ANGPT1: variants seen among roughly 807,000 people sequenced by gnomAD.
ANGPT1 encodes the protein angiopoietin 1.
ANGPT1 carries 17 observed loss-of-function variants against 62.2 expected under a neutral mutation model. That is an observed-to-expected ratio of 0.27 (90% CI 0.19 to 0.41). The LOEUF is 0.41. ANGPT1 is among the 10% of genes least tolerant of loss of function. The pLI is 1.00. For synonymous variants in ANGPT1, 199 were observed against 198.9 expected (o/e 1.00, Z 0.00); for missense variants, 478 against 594.9 (o/e 0.80, Z 2.04).
chr8:107,423,238 C>G (rs951549329), intron 1 of ANGPT1, among the ~76,000 whole-genome samples: 2 of 152,192 alleles, frequency 1.3e-5, no homozygotes, highest in African/African-American at 4.8e-5. Context: ...AGTTATTAAA[C>G]ATTTACTAGC....
At chr8:107,394,827 A>T (rs1191239442) in intron 1 of ANGPT1, among the ~76,000 whole-genome samples, 1 of 152,160 alleles carries the variant, frequency 6.6e-6, no homozygotes, top group Non-Finnish European at 1.5e-5. Flanking sequence ...TTTGGACTGG[A>T]TAACAGCATA....
intron 4 of ANGPT1, among the ~76,000 whole-genome samples, chr8:107,310,631 C>T (rs950988188): frequency 2.0e-5 from 3 of 152,040 alleles, no homozygotes; most frequent in Admixed American, 2.0e-4. Context: ...GAGCCACAGG[C>T]AGTAGAATTG....
chr8:107,271,944 T>G (rs1294836482), intron 7 of ANGPT1, among the ~76,000 whole-genome samples: 1 of 151,412 alleles, frequency 6.6e-6, no homozygotes, highest in Non-Finnish European at 1.5e-5. Flanking sequence ...AAATCATCCA[T>G]GCCAACCTAG....
intron 7 of ANGPT1, among the ~76,000 whole-genome samples, chr8:107,275,803 T>C (rs1045016285): frequency 3.3e-5 from 5 of 152,132 alleles, no homozygotes; most frequent in African/African-American, 9.7e-5. Context: ...CTTAGATAAT[T>C]TATTGGAGGC....
At chr8:107,343,268 T>C in intron 2 of ANGPT1, among the ~76,000 whole-genome samples, 1 of 152,030 alleles carries the variant, frequency 6.6e-6, no homozygotes, top group East Asian at 1.9e-4. Flanking sequence ...GAGGAAAAAT[T>C]GGGAGGAAGC....
At chr8:107,374,629 G>C (rs1379410343) in intron 1 of ANGPT1, among the ~76,000 whole-genome samples, 1 of 152,212 alleles carries the variant, frequency 6.6e-6, no homozygotes, top group Non-Finnish European at 1.5e-5. Flanking sequence ...GACTATTTCT[G>C]TCTGGTCGCA....
intron 1 of ANGPT1, among the ~76,000 whole-genome samples, chr8:107,477,929 A>G (rs1405643551): frequency 1.3e-5 from 2 of 152,156 alleles, no homozygotes; most frequent in African/African-American, 4.8e-5. Flanking sequence ...AAGAAATAAA[A>G]ATTGGTATAA....
chr8:107,251,994 C>A lies in ANGPT1; in HGVS notation c.1358G>T (p.Gly453Val). 1 of 1,613,288 alleles carries A rather than the reference C, an allele frequency of 6.2e-7. No homozygotes were observed. The highest frequency in any genetic ancestry group is 8.5e-7 in the Non-Finnish European group (1 of 1,179,592). ...LTGGWWFDAC[G>V]PSNLNGMFYT... ...GAACATTCCATTTAGATTGGAGGGG[C>A]CACAAGCATCAAACCACCATCCTGA... The change falls in exon 9 of 9, where the codon GGC becomes GTC. Residue 453 changes from glycine (G) to valine (V), a missense_variant. This residue lies in a region of ANGPT1 where 19 missense variants were observed against 72.9 expected (regional missense o/e 0.26). Transcript: ENST00000517746.
At chr8:107,414,730 C>T (rs536373362) in intron 1 of ANGPT1, among the ~76,000 whole-genome samples, 1 of 152,190 alleles carries the variant, frequency 6.6e-6, no homozygotes, top group Non-Finnish European at 1.5e-5. Context: ...TCCAAGTGCC[C>T]ATCTGAGTAC....
chr8:107,273,047 T>C (rs1465454762), intron 7 of ANGPT1, among the ~76,000 whole-genome samples: 4 of 152,040 alleles, frequency 2.6e-5, no homozygotes, highest in African/African-American at 9.7e-5. Flanking sequence ...GACCCTCTTG[T>C]GGTGCCTAAA....
intron 4 of ANGPT1, among the ~76,000 whole-genome samples, chr8:107,318,027 C>A (rs1281819168): frequency 6.6e-6 from 1 of 152,150 alleles, no homozygotes; most frequent in East Asian, 1.9e-4. Flanking sequence ...TTACTTAATT[C>A]CAGCAAATAT....
intron 4 of ANGPT1, among the ~76,000 whole-genome samples, chr8:107,318,002 C>A (rs567369829): frequency 6.6e-6 from 1 of 152,216 alleles, no homozygotes; most frequent in African/African-American, 2.4e-5. Context: ...TGTTTGTATG[C>A]CTTATTAATG....
rs2129966966 is a variant in ANGPT1, at chr8:107,249,526, GTGA to G, written c.*2326_*2328del. ...AATTTTATTTAAATCAAATAATGTT[GTGA>G]TGATATGAAGAACTTTGCATAGAAA... On this transcript the variant is annotated 3_prime_UTR_variant, in exon 9 of 9. Transcript: ENST00000517746. 3 of 152,198 alleles carry G rather than the reference GTGA, an allele frequency of 2.0e-5. No individual in the cohort carries two copies. In the East Asian group the frequency reaches 5.8e-4, roughly 29 times the overall value. 9.4% of individuals were successfully genotyped at this position (152,198 alleles called of 1,614,324 possible). A position where few individuals can be genotyped will look rare whatever the true frequency, so the allele number is the denominator to read the frequency against.
At chr8:107,316,953 G>T (rs558132960) in intron 4 of ANGPT1, among the ~76,000 whole-genome samples, 3 of 152,224 alleles carry the variant, frequency 2.0e-5, no homozygotes, top group Non-Finnish European at 4.4e-5. Context: ...TGCTAGACAT[G>T]GTAACTCCCT....
chr8:107,480,366 T>A (rs1812646965), intron 1 of ANGPT1, among the ~76,000 whole-genome samples: 1 of 152,232 alleles, frequency 6.6e-6, no homozygotes, highest in African/African-American at 2.4e-5. Flanking sequence ...ACATAAATTC[T>A]GCTAAAATTG....
At chr8:107,279,469 G>T (rs1813945095) in intron 7 of ANGPT1, among the ~76,000 whole-genome samples, 1 of 152,100 alleles carries the variant, frequency 6.6e-6, no homozygotes. Flanking sequence ...ATTAACTGAT[G>T]AACTTCTTTA....
intron 4 of ANGPT1, among the ~76,000 whole-genome samples, chr8:107,319,089 G>A (rs779417538): frequency 3.9e-5 from 6 of 152,132 alleles, no homozygotes; most frequent in Non-Finnish European, 7.4e-5. Flanking sequence ...CTTGTCCATC[G>A]AAGGAGAAAG....
rs758979533 is a variant in ANGPT1 at position 107,284,806 on chromosome 8, A to T, written c.1081T>A (p.Phe361Ile). ...PSGEYWLGNE[F>I]IFAITSQRQY... ...CTCTGACTGGTAATGGCAAAAATAA[A>T]CTCATTCCCCAGCCAATATTCACCG... The change falls in exon 7 of 9, where the codon TTT becomes ATT. Residue 361 changes from phenylalanine to isoleucine, a missense_variant. Phe to Ile is a conservative substitution (Grantham distance 21). Around this residue, in one of 4 missense-constraint regions of ANGPT1, gnomAD observed 81 missense variants for 117.1 expected, o/e 0.69. Transcript: ENST00000517746. The T allele has an allele frequency of 6.2e-7, 1 of 1,608,336 alleles. No homozygotes were observed. Among genetic ancestry groups the T allele is most frequent in the Non-Finnish European group, 8.5e-7 (1 of 1,176,420 alleles).
intron 2 of ANGPT1, among the ~76,000 whole-genome samples, chr8:107,340,338 C>A (rs1253572674): frequency 6.6e-6 from 1 of 151,974 alleles, no homozygotes; most frequent in Admixed American, 6.6e-5. Context: ...GTAAGAGAGA[C>A]ATAAAACCTG....
Sources: allele counts gnomAD v4.1 joint callset (sites outside exome capture counted in the v4.1 genomes callset), GRCh38; gene constraint gnomAD v4.1.1; regional missense constraint gnomAD v4.1.1; transcripts MANE v1.5; gene names NCBI Gene and HGNC (gene_info 2026-07-23, HGNC 2026-07-21).